The following KCNH7 variants were observed in gnomAD, a reference collection of about 807,000 sequenced individuals.
KCNH7 encodes potassium voltage-gated channel subfamily H member 7, also known as voltage-gated inwardly rectifying potassium channel KCNH7.
In KCNH7, 49 loss-of-function variants were observed where a neutral mutation model predicts 120.8. The observed-to-expected ratio is 0.41, with a 90% CI of 0.32 to 0.51. The LOEUF is 0.51. Ranked by LOEUF, KCNH7 falls within the 20% of genes least tolerant of loss-of-function variation. The probability of loss-of-function intolerance (pLI) is 0.38; values close to 1 mark genes in which losing one functional copy is unlikely to be tolerated. For synonymous variants in KCNH7, 547 were observed against 516.1 expected, an observed-to-expected ratio of 1.06 and a Z score of -0.81; for missense variants, 1,097 against 1,446.6, an observed-to-expected ratio of 0.76 and a Z score of 3.92.
intron 6 of KCNH7, among the ~76,000 whole-genome samples, chr2:162,480,486 A>G (rs972920034): frequency 1.3e-5 from 2 of 152,238 alleles, no homozygotes; most frequent in South Asian, 4.1e-4. Flanking sequence ...GCCATCCCTC[A>G]CCTTCCTCCT....
At chr2:162,614,212 T>A (rs1446094089) in intron 2 of KCNH7, among the ~76,000 whole-genome samples, 1 of 151,858 alleles carries the variant, frequency 6.6e-6, no homozygotes, top group African/African-American at 2.4e-5. Flanking sequence ...AACCATAATT[T>A]TGCAAAATAA....
At chr2:162,453,112 C>A (rs1365789693) in intron 6 of KCNH7, among the ~76,000 whole-genome samples, 1 of 152,042 alleles carries the variant, frequency 6.6e-6, no homozygotes, top group Non-Finnish European at 1.5e-5. Context: ...CTCCTCTTGC[C>A]CCCTACCCCA....
At chr2:162,401,838 T>C (rs1687072204) in intron 9 of KCNH7, among the ~76,000 whole-genome samples, 1 of 151,880 alleles carries the variant, frequency 6.6e-6, no homozygotes, top group Non-Finnish European at 1.5e-5. Flanking sequence ...TTGACTCTTG[T>C]ACAAGTCACT....
intron 2 of KCNH7, among the ~76,000 whole-genome samples, chr2:162,747,553 A>G (rs1390436239): frequency 1.3e-5 from 2 of 152,146 alleles, no homozygotes; most frequent in Non-Finnish European, 2.9e-5. Flanking sequence ...GATTTTGTGG[A>G]GTGACAGCGA....
At position 162,397,099 on chromosome 2, in the gene KCNH7, G is replaced by C. The variant is rs374834409; in HGVS notation, c.2408-154C>G. On this transcript the variant is annotated intron_variant, in intron 10 of 15. Transcript: ENST00000332142. ...CACCTTAACTAAATGCCCATACCAT[G>C]TTTGGTGAGTGGAAATTTGTCTCTA... Among the ~76,000 whole-genome samples the C allele has an allele frequency of 2.0e-5, 3 of 151,888 alleles. No homozygotes were observed. In the East Asian group the frequency reaches 5.9e-4, roughly 30 times the overall value.
chr2:162,527,899 T>C (rs1198081303), intron 3 of KCNH7: 1 of 152,036 alleles, frequency 6.6e-6, no homozygotes, highest in Non-Finnish European at 1.5e-5. Context: ...AAACATTCAT[T>C]AACCTAGACC....
rs558008530 is a variant in KCNH7 at position 162,682,492 on chromosome 2, C to T, written c.308-145412G>A. 4.0e-5 allele frequency among the ~76,000 whole-genome samples: 6 copies of T among 151,740 alleles called. No individual in the cohort carries two copies. In the South Asian group the frequency reaches 1.0e-3, roughly 26 times the overall value. On this transcript the variant is annotated intron_variant, in intron 2 of 15. Transcript: ENST00000332142. ...AACAAAATAGTACTCATATCTAACA[C>T]AACAAAGTCATAGTTTAGATACTCT...
At chr2:162,623,780 G>A (rs754150870) in intron 2 of KCNH7, among the ~76,000 whole-genome samples, 10 of 152,194 alleles carry the variant, frequency 6.6e-5, no homozygotes, top group Middle Eastern at 3.4e-3. Context: ...GAATGCGCCT[G>A]GTACACATGA....
chr2:162,406,142 T>C (rs1236105697), intron 9 of KCNH7, among the ~76,000 whole-genome samples: 2 of 151,970 alleles, frequency 1.3e-5, no homozygotes, highest in African/African-American at 4.8e-5. Flanking sequence ...TCCAAAACAC[T>C]CTTATGGTGG....
intron 2 of KCNH7, among the ~76,000 whole-genome samples, chr2:162,750,232 G>A (rs1381478785): frequency 6.6e-6 from 1 of 152,014 alleles, no homozygotes; most frequent in Non-Finnish European, 1.5e-5. Flanking sequence ...GAGTTACAGA[G>A]AAAGTCAACA....
chr2:162,428,930 T>A lies in KCNH7; in HGVS notation c.1955-5395A>T, dbSNP rs1321402829. ...AGACAGCATATGGCTGTCTTATTTT[T>A]AAAAATGCTTTCTGATAATTTCTCC... On this transcript the variant is annotated intron_variant, in intron 8 of 15. Coordinates refer to ENST00000332142, the MANE Select transcript of KCNH7 (RefSeq NM_033272.4). Among the ~76,000 whole-genome samples, 3 of 151,882 alleles carry A rather than the reference T, an allele frequency of 2.0e-5. No individual in the cohort carries two copies. In the East Asian group the frequency reaches 5.8e-4, roughly 29 times the overall value.
At chr2:162,714,017 G>T (rs576960524) in intron 2 of KCNH7, among the ~76,000 whole-genome samples, 1 of 152,270 alleles carries the variant, frequency 6.6e-6, no homozygotes, top group South Asian at 2.1e-4. Context: ...CAAAGTGCTG[G>T]GATTACAGGC....
intron 2 of KCNH7, among the ~76,000 whole-genome samples, chr2:162,559,054 C>CAA (rs780823559): frequency 0.013 from 461 of 35,608 alleles, 8 homozygotes; most frequent in African/African-American, 0.03. Flanking sequence ...GACTCTGCCT[C>CAA]AAAAAAAAAA....
chr2:162,733,428 A>G (rs1687797125), intron 2 of KCNH7, among the ~76,000 whole-genome samples: 1 of 152,230 alleles, frequency 6.6e-6, no homozygotes, highest in Admixed American at 6.5e-5. Context: ...AATATACCAC[A>G]TCTAAGCAGA....
chr2:162,562,158 A>G (rs969539265), intron 2 of KCNH7, among the ~76,000 whole-genome samples: 1 of 152,154 alleles, frequency 6.6e-6, no homozygotes, highest in African/African-American at 2.4e-5. Context: ...ATGTATACCT[A>G]TGTAACAAAC....
chr2:162,375,912 G>GA (rs1170816596), intron 14 of KCNH7, among the ~76,000 whole-genome samples: 4 of 144,128 alleles, frequency 2.8e-5, no homozygotes, highest in Non-Finnish European at 4.6e-5. Context: ...AAAAAAAAAA[G>GA]AAAAAAAAGA....
In KCNH7 at chr2:162,423,427, C is replaced by T. The variant is rs754481087; in HGVS notation, c.2063G>A (p.Arg688His). 9.3e-6 allele frequency: 15 copies of T among 1,613,990 alleles called. No individual in the cohort carries two copies. The highest frequency in any genetic ancestry group is 1.1e-5 in the South Asian group (1 of 91,090). Residue 688 changes from arginine (R) to histidine (H), a missense_variant, in exon 9 of 16, where the codon CGC becomes CAC. Arg to His is a conservative substitution (Grantham distance 29, BLOSUM62 0). This residue lies in a region of KCNH7 where 24 missense variants were observed against 105.8 expected (regional missense o/e 0.23). Transcript: ENST00000332142. ...CAGAGGGTTGGGGATTTGGTGAAAG[C>T]GAATGAACTCTTTTACTCGCAGCAT... ...MQMLRVKEFI[R>H]FHQIPNPLRQ...
chr2:162,412,660 A>G (rs1003520846), intron 9 of KCNH7, among the ~76,000 whole-genome samples: 1 of 152,174 alleles, frequency 6.6e-6, no homozygotes, highest in Admixed American at 6.6e-5. Context: ...CTAGATAATC[A>G]TCTATGACAG....
chr2:162,642,230 T>C (rs2105239258), intron 2 of KCNH7, among the ~76,000 whole-genome samples: 1 of 152,320 alleles, frequency 6.6e-6, no homozygotes, highest in Middle Eastern at 3.4e-3. Flanking sequence ...ACTCAGCTAG[T>C]ATATTAATTA....
Sources: allele counts gnomAD v4.1 joint callset (sites outside exome capture counted in the v4.1 genomes callset), GRCh38; gene constraint gnomAD v4.1.1; regional missense constraint gnomAD v4.1.1; transcripts MANE v1.5; gene names NCBI Gene and HGNC (gene_info 2026-07-23, HGNC 2026-07-21).